Variants in UBQLN1 observed in about 807,000 individuals in gnomAD.
The protein encoded by UBQLN1 is ubiquilin-1.
UBQLN1 carries 13 observed loss-of-function variants against 65.4 expected under a neutral mutation model. That is an observed-to-expected ratio of 0.20 (90% CI 0.13 to 0.32). The LOEUF is 0.32. Ranked by LOEUF, UBQLN1 falls within the 10% of genes least tolerant of loss-of-function variation. UBQLN1 has a pLI of 1.00. For synonymous variants in UBQLN1, 267 were observed against 247.8 expected, an observed-to-expected ratio of 1.08 and a Z score of -0.73; for missense variants, 561 against 724.0, an observed-to-expected ratio of 0.77 and a Z score of 2.58.
At chr9:83,692,557 T>A (rs369456025) in intron 1 of UBQLN1, among the ~76,000 whole-genome samples, 1 of 152,168 alleles carries the variant, frequency 6.6e-6, no homozygotes, top group Admixed American at 6.5e-5. Flanking sequence ...ATTACAATTA[T>A]ACAAAATATT....
chr9:83,707,199 G>T (rs1262734506), intron 1 of UBQLN1, among the ~76,000 whole-genome samples: 1 of 152,266 alleles, frequency 6.6e-6, no homozygotes, highest in South Asian at 2.1e-4. Flanking sequence ...AGTTGGAGGG[G>T]AGGCGACGGA....
intron 7 of UBQLN1, chr9:83,668,029 A>G (rs1206081312): frequency 1.0e-6 from 1 of 985,328 alleles, no homozygotes; most frequent in East Asian, 1.1e-4. Flanking sequence ...CAAGATGCAC[A>G]TTCAGTATTA....
intron 1 of UBQLN1, among the ~76,000 whole-genome samples, chr9:83,698,831 T>G (rs1233642167): frequency 6.6e-6 from 1 of 151,636 alleles, no homozygotes; most frequent in Non-Finnish European, 1.5e-5. Flanking sequence ...GAGGATCACT[T>G]GAACTTCAGG....
At chr9:83,673,188 C>A (rs892475080) in intron 6 of UBQLN1, among the ~76,000 whole-genome samples, 1 of 152,160 alleles carries the variant, frequency 6.6e-6, no homozygotes, top group Admixed American at 6.6e-5. Flanking sequence ...CAAGATTATA[C>A]CACTGCACTC....
chr9:83,700,395 A>G (rs200964068), intron 1 of UBQLN1, among the ~76,000 whole-genome samples: 2 of 149,720 alleles, frequency 1.3e-5, no homozygotes, highest in Admixed American at 6.5e-5. Context: ...TTATTACTGA[A>G]TATGTATTAT....
At chr9:83,688,713 T>C (rs1832079559) in intron 1 of UBQLN1, among the ~76,000 whole-genome samples, 1 of 151,906 alleles carries the variant, frequency 6.6e-6, no homozygotes, top group African/African-American at 2.4e-5. Flanking sequence ...ATACAAAACT[T>C]AGCTGGGCAT....
Position 83,679,881 on chromosome 9 carries a change from G to A in UBQLN1, c.605C>T (p.Pro202Leu). Residue 202 changes from proline to leucine, a missense_variant, in exon 4 of 11, where the codon CCT becomes CTT. Pro to Leu is a moderately conservative substitution (Grantham distance 98, BLOSUM62 -3). Coordinates refer to ENST00000376395, the MANE Select transcript of UBQLN1 (RefSeq NM_013438.5). ...NPFVQSMLSN[P>L]DLMRQLIMAN... ...CATAATTAACTGTCTCATCAGGTCA[G>A]GATTTGAGAGCATGCTCTGAACAAA... 1.2e-6 allele frequency: 2 copies of A among 1,614,146 alleles called. No individual in the cohort carries two copies. Among genetic ancestry groups the A allele is most frequent in the Non-Finnish European group, 1.7e-6 (2 of 1,180,024 alleles).
At chr9:83,686,799 T>C (rs971839607) in intron 1 of UBQLN1, among the ~76,000 whole-genome samples, 1 of 152,128 alleles carries the variant, frequency 6.6e-6, no homozygotes, top group Non-Finnish European at 1.5e-5. Context: ...TCCAAAACTT[T>C]TGAGTATCCA....
chr9:83,694,111 T>G (rs182711860), intron 1 of UBQLN1, among the ~76,000 whole-genome samples: 25 of 152,358 alleles, frequency 1.6e-4, no homozygotes, highest in East Asian at 1.2e-3. Context: ...AAACTTGCTT[T>G]TAAACAACCA....
intron 1 of UBQLN1, among the ~76,000 whole-genome samples, chr9:83,694,152 A>T (rs1832171548): frequency 6.6e-6 from 1 of 152,224 alleles, no homozygotes. Context: ...ACATCCGGGG[A>T]GTTGGGAATC....
intron 1 of UBQLN1, among the ~76,000 whole-genome samples, chr9:83,687,788 A>T (rs915043455): frequency 3.3e-5 from 5 of 151,114 alleles, no homozygotes; most frequent in Admixed American, 6.5e-5. Flanking sequence ...ACTGATTTTT[A>T]AAAAATCTGT....
In UBQLN1 at chr9:83,665,149, AG is replaced by A. The variant is rs1334418691; in HGVS notation, c.1333-5del. 3 of 1,589,278 alleles carry A rather than the reference AG, an allele frequency of 1.9e-6. No individual in the cohort carries two copies. In the African/African-American group the frequency reaches 4.1e-5, roughly 22 times the overall value. On this transcript the variant is annotated splice_polypyrimidine_tract_variant and splice_region_variant and intron_variant, in intron 8 of 10. Coordinates refer to ENST00000376395, the MANE Select transcript of UBQLN1 (RefSeq NM_013438.5). Reference sequence around the variant, plus strand: ...ATAGTGTATCAGGATTCTGCATCTAAGGAAGAAAGAAAACTAGTGGTTACAA... The same window carrying A: ...ATAGTGTATCAGGATTCTGCATCTAAGAAGAAAGAAAACTAGTGGTTACAA...
intron 6 of UBQLN1, among the ~76,000 whole-genome samples, 156 bp from the exon 7 acceptor site, chr9:83,669,483 A>C (rs2131146897): frequency 6.6e-6 from 1 of 152,366 alleles, no homozygotes; most frequent in Middle Eastern, 3.4e-3. Context: ...TTAAAACTAA[A>C]ACATCTCTAA....
intron 1 of UBQLN1, among the ~76,000 whole-genome samples, chr9:83,705,037 C>T (rs150411464): frequency 6.6e-6 from 1 of 151,898 alleles, no homozygotes; most frequent in African/African-American, 2.4e-5. Context: ...ATGGTGGAGG[C>T]ATGAATTAGG....
intron 10 of UBQLN1, among the ~76,000 whole-genome samples, chr9:83,662,273 TACACACAC>T (rs370539805): frequency 0.16 from 22,328 of 143,388 alleles, 1,804 homozygotes; most frequent in Middle Eastern, 0.25. Context: ...CATATACATA[TACACACAC>T]ACACACACAC....
intron 6 of UBQLN1, 75 bp downstream of exon 6, chr9:83,677,652 A>G (rs1353976809): frequency 9.6e-6 from 10 of 1,041,952 alleles, no homozygotes; most frequent in Middle Eastern, 2.4e-4. Flanking sequence ...AGCACAAAGA[A>G]TAAGAGTATA....
intron 6 of UBQLN1, among the ~76,000 whole-genome samples, chr9:83,677,388 C>A (rs1042693396): frequency 1.3e-5 from 2 of 152,116 alleles, no homozygotes; most frequent in South Asian, 2.1e-4. Context: ...GATGGAGAAA[C>A]CCTGTCTCTA....
intron 1 of UBQLN1, among the ~76,000 whole-genome samples, chr9:83,692,613 G>C (rs2131177644): frequency 6.6e-6 from 1 of 152,302 alleles, no homozygotes; most frequent in East Asian, 1.9e-4. Context: ...AGCACTTTGG[G>C]AGGCCGAGGC....
intron 2 of UBQLN1, among the ~76,000 whole-genome samples, chr9:83,684,915 G>A (rs1228196886): frequency 1.3e-5 from 2 of 151,638 alleles, no homozygotes; most frequent in Non-Finnish European, 2.9e-5. Context: ...ATTTAGCTAA[G>A]GCACACATTT....
Sources: allele counts gnomAD v4.1 joint callset (sites outside exome capture counted in the v4.1 genomes callset), GRCh38; gene constraint gnomAD v4.1.1; transcripts MANE v1.5; gene names NCBI Gene and HGNC (gene_info 2026-07-23, HGNC 2026-07-21).